PRELID2: variants seen among roughly 807,000 people sequenced by gnomAD.
PRELID2 encodes the protein PRELI domain-containing protein 2.
A neutral mutation model predicts 28.4 loss-of-function variants in PRELID2; 25 were observed. That is an observed-to-expected ratio of 0.88 (90% CI 0.64 to 1.23). PRELID2 has a LOEUF of 1.23. Ranked by LOEUF, PRELID2 falls within the 50% of genes most tolerant of loss-of-function variation. PRELID2 has a pLI of 0.00. For synonymous variants in PRELID2, 76 were observed against 71.6 expected, an observed-to-expected ratio of 1.06 and a Z score of -0.31; for missense variants, 201 against 214.4, an observed-to-expected ratio of 0.94 and a Z score of 0.39.
At chr5:145,824,516 C>T (rs967731025) in intron 1 of PRELID2, among the ~76,000 whole-genome samples, 2 of 150,420 alleles carry the variant, frequency 1.3e-5, no homozygotes, top group African/African-American at 4.9e-5. Context: ...CATTTTAACA[C>T]ATTCTTAAAG....
chr5:145,539,240 A>G (rs148741726), intron 1 of PRELID2, among the ~76,000 whole-genome samples: 157 of 152,140 alleles, frequency 1.0e-3, no homozygotes, highest in African/African-American at 3.5e-3. Context: ...ACTGGTTTCC[A>G]TTTTGAGTTA....
chr5:145,751,383 C>T (rs999612314), downstream of PRELID2, among the ~76,000 whole-genome samples: 12 of 152,186 alleles, frequency 7.9e-5, no homozygotes, highest in African/African-American at 2.9e-4. Flanking sequence ...TCAAGAGACC[C>T]CAGATCCCTA....
the PRELID2 span, chr5:145,229,202 C>T: frequency 1.2e-6 from 1 of 832,808 alleles, no homozygotes. Flanking sequence ...AGTTTGAGCT[C>T]ATCTGCTACT....
At chr5:145,467,920 A>G (rs959248545), downstream of PRELID2, among the ~76,000 whole-genome samples, 33 of 151,040 alleles carry the variant, frequency 2.2e-4, no homozygotes, top group African/African-American at 7.3e-4. Flanking sequence ...TTTTATATAT[A>G]TATTTTTTTA....
the PRELID2 span, among the ~76,000 whole-genome samples, chr5:145,244,768 G>A: frequency 6.6e-6 from 1 of 152,014 alleles, no homozygotes; most frequent in Non-Finnish European, 1.5e-5. Context: ...GGGAATTGCT[G>A]TTACTTACTG....
the PRELID2 span, among the ~76,000 whole-genome samples, chr5:145,333,461 G>A: frequency 6.6e-6 from 1 of 152,180 alleles, no homozygotes. Context: ...TTTCAGAGAT[G>A]CCCTGCCAAG....
intron 1 of PRELID2, among the ~76,000 whole-genome samples, chr5:145,603,367 AG>A (rs1310639001): frequency 1.0e-3 from 151 of 145,232 alleles, no homozygotes; most frequent in African/African-American, 4.2e-3. Context: ...AATGTAAACC[AG>A]GGGCTAACGG....
chr5:145,681,420 A>C (rs1227348767), intron 1 of PRELID2, among the ~76,000 whole-genome samples: 1 of 152,170 alleles, frequency 6.6e-6, no homozygotes, highest in Non-Finnish European at 1.5e-5. Flanking sequence ...GGTCAACTTC[A>C]TTTCTAGACT....
At chr5:145,666,782 G>T (rs1425249266) in intron 1 of PRELID2, among the ~76,000 whole-genome samples, 1 of 152,044 alleles carries the variant, frequency 6.6e-6, no homozygotes, top group Non-Finnish European at 1.5e-5. Context: ...TCGAGTCCTT[G>T]TTTGACAAGC....
chr5:145,459,091 G>A, the PRELID2 span, among the ~76,000 whole-genome samples: 97 of 152,192 alleles, frequency 6.4e-4, no homozygotes, highest in East Asian at 0.018. Flanking sequence ...ATGTGATTCC[G>A]ACTGATCTTC....
At chr5:145,246,010 TG>T in the PRELID2 span, among the ~76,000 whole-genome samples, 1 of 152,102 alleles carries the variant, frequency 6.6e-6, no homozygotes, top group Non-Finnish European at 1.5e-5. Context: ...TGTCTTAATT[TG>T]GGACACAATG....
chr5:145,409,096 G>A, the PRELID2 span, among the ~76,000 whole-genome samples: 1 of 152,128 alleles, frequency 6.6e-6, no homozygotes, highest in Non-Finnish European at 1.5e-5. Context: ...TTGTCAGCCA[G>A]GAGTTTTGTA....
chr5:145,515,741 A>G lies in PRELID2; in HGVS notation n.71-42426T>C, dbSNP rs536542659. Among the ~76,000 whole-genome samples, 395 of 152,340 alleles carry G rather than the reference A, an allele frequency of 2.6e-3. 1 individual carries two copies. Among genetic ancestry groups the G allele is most frequent in the South Asian group, 9.7e-3 (47 of 4,828 alleles). ...ATGAACATCAATGCAAAAATCCTCA[A>G]TAAAATACTGGGAAACCGAATGCAG... On this transcript the variant is annotated intron_variant and non_coding_transcript_variant, in intron 1 of 2. Coordinates refer to the PRELID2 transcript ENST00000510259.
chr5:145,275,567 GA>G, the PRELID2 span, among the ~76,000 whole-genome samples: 4 of 152,122 alleles, frequency 2.6e-5, no homozygotes, highest in Admixed American at 2.0e-4. Flanking sequence ...GTAGGACTAA[GA>G]GAAGAAAACA....
In PRELID2 at chr5:145,652,899, G is replaced by A. The variant is rs186147073; in HGVS notation, n.70+112032C>T. Among the ~76,000 whole-genome samples the A allele has an allele frequency of 2.6e-3, 402 of 152,110 alleles. 4 individuals carry two copies. The highest frequency in any genetic ancestry group is 9.0e-3 in the African/African-American group (373 of 41,518). On this transcript the variant is annotated intron_variant and non_coding_transcript_variant, in intron 1 of 2. Transcript: ENST00000510259. ...TGACAGGATCAAATTCACACATAAC[G>A]ATATTAACATTAAACGTAAATGGGC...
chr5:145,403,613 A>C, the PRELID2 span, among the ~76,000 whole-genome samples: 1 of 152,166 alleles, frequency 6.6e-6, no homozygotes, highest in Non-Finnish European at 1.5e-5. Flanking sequence ...AAAGAAGGAA[A>C]GTTTATATTG....
chr5:145,731,330 C>T (rs879623651), intron 1 of PRELID2, among the ~76,000 whole-genome samples: 11 of 152,194 alleles, frequency 7.2e-5, no homozygotes, highest in Non-Finnish European at 1.6e-4. Flanking sequence ...CATAATCCTG[C>T]TCCATTCCTA....
chr5:145,803,065 G>T (rs1396346022), intron 4 of PRELID2, among the ~76,000 whole-genome samples: 2 of 152,072 alleles, frequency 1.3e-5, no homozygotes, highest in Non-Finnish European at 1.5e-5. Flanking sequence ...GGCAAAAAAA[G>T]CTTCCACAGA....
intron 1 of PRELID2, among the ~76,000 whole-genome samples, chr5:145,637,707 C>A (rs1026715434): frequency 1.3e-5 from 2 of 152,010 alleles, no homozygotes; most frequent in Non-Finnish European, 2.9e-5. Flanking sequence ...ACACAGAGGT[C>A]ATCATTCCTA....
Sources: gnomAD v4.1 joint callset for allele counts (sites outside exome capture counted in the v4.1 genomes callset) on GRCh38, gnomAD v4.1.1 for gene constraint, MANE v1.5 for transcripts, NCBI Gene and HGNC (gene_info 2026-07-23, HGNC 2026-07-21) for gene names.